Variants in FOXJ3 observed in about 807,000 individuals in gnomAD.
FOXJ3 encodes forkhead box protein J3.
Under a neutral mutation model 76.1 loss-of-function variants are expected in FOXJ3, and 22 were observed. The ratio of observed to expected loss-of-function variants is 0.29; its 90% CI spans 0.21 to 0.41. The LOEUF (loss-of-function observed/expected upper bound fraction) is 0.41, where lower values mean the gene tolerates loss of function less well. FOXJ3 is among the 10% of genes least tolerant of loss of function. The pLI is 1.00. For synonymous variants in FOXJ3, 269 were observed against 261.2 expected (o/e 1.03, Z -0.29); for missense variants, 613 against 762.1 (o/e 0.80, Z 2.30).
At chr1:42,187,197 C>A in intron 11 of FOXJ3, among the ~76,000 whole-genome samples, 1 of 152,220 alleles carries the variant, frequency 6.6e-6, no homozygotes, top group East Asian at 1.9e-4. Context: ...ACTTCTCCTG[C>A]CTACGGCAAC....
At chr1:42,198,710 A>C (rs1646701583) in intron 7 of FOXJ3, among the ~76,000 whole-genome samples, 1 of 152,246 alleles carries the variant, frequency 6.6e-6, no homozygotes, top group South Asian at 2.1e-4. Flanking sequence ...TGGGGTTTAC[A>C]GAATTCCCTT....
At chr1:42,204,432 G>A (rs1265953415) in intron 6 of FOXJ3, among the ~76,000 whole-genome samples, 1 of 151,910 alleles carries the variant, frequency 6.6e-6, no homozygotes, top group Non-Finnish European at 1.5e-5. Flanking sequence ...ACATTATTTG[G>A]TCATAAAGTC....
intron 2 of FOXJ3, among the ~76,000 whole-genome samples, chr1:42,280,049 A>C (rs1004946355): frequency 9.2e-5 from 14 of 152,154 alleles, no homozygotes; most frequent in Non-Finnish European, 1.3e-4. Context: ...AGAACTGTGA[A>C]GATGTTAATT....
chr1:42,311,011 T>C lies in FOXJ3; in HGVS notation c.44+39A>G, dbSNP rs763297795. The C allele has an allele frequency of 3.8e-6, 5 of 1,299,362 alleles. No homozygotes were observed. In the East Asian group the frequency reaches 7.1e-5, roughly 18 times the overall value. 80.5% of individuals were successfully genotyped at this position (1,299,362 alleles called of 1,614,324 possible). On this transcript the variant is annotated intron_variant, in intron 2 of 12. Transcript: ENST00000361346. Reference sequence around the variant, plus strand: ...GGTGACCAGTCTAACTTTTAAAATGTTATATGTTCTAATAAAGAAAAAAAA... The same window carrying C: ...GGTGACCAGTCTAACTTTTAAAATGCTATATGTTCTAATAAAGAAAAAAAA...
chr1:42,295,963 G>A (rs577358048), intron 2 of FOXJ3, among the ~76,000 whole-genome samples: 4 of 152,166 alleles, frequency 2.6e-5, no homozygotes, highest in Non-Finnish European at 4.4e-5. Context: ...GAACATTCCC[G>A]TCAGCAGTGC....
intron 1 of FOXJ3, among the ~76,000 whole-genome samples, chr1:42,333,307 G>A (rs1286733206): frequency 2.6e-5 from 4 of 151,938 alleles, no homozygotes; most frequent in African/African-American, 9.7e-5. Context: ...GAGAATGCAG[G>A]CCACTTTGGA....
intron 2 of FOXJ3, among the ~76,000 whole-genome samples, chr1:42,307,949 C>T (rs1326168498): frequency 1.4e-4 from 22 of 152,222 alleles, no homozygotes; most frequent in Non-Finnish European, 8.8e-5. Flanking sequence ...GAAAACAATA[C>T]TTGTTTACCT....
intron 2 of FOXJ3, among the ~76,000 whole-genome samples, chr1:42,298,791 T>A (rs1463130463): frequency 6.6e-6 from 1 of 152,214 alleles, no homozygotes; most frequent in Admixed American, 6.5e-5. Context: ...GCTATAAACT[T>A]TCCTCTTAGC....
chr1:42,284,423 C>T (rs991800383), intron 2 of FOXJ3, among the ~76,000 whole-genome samples: 2 of 152,028 alleles, frequency 1.3e-5, no homozygotes, highest in South Asian at 4.1e-4. Flanking sequence ...AAAGTGAAGT[C>T]CTAAAAGAGA....
chr1:42,205,742 G>A lies in FOXJ3; in HGVS notation c.630+20C>T. The A allele has an allele frequency of 7.4e-7, 1 of 1,358,998 alleles. No homozygotes were observed. The highest frequency in any genetic ancestry group is 1.1e-6 in the Non-Finnish European group (1 of 948,432). The allele number at this position is 1,358,998 out of a possible 1,614,324, so 84.2% of individuals were successfully genotyped here. A position where few individuals can be genotyped will look rare whatever the true frequency, so the allele number is the denominator to read the frequency against. ...TACTACTCAATGACATTTCAATAAT[G>A]TTTAAAAAAATGAAATTACTTTGTT... On this transcript the variant is annotated intron_variant, in intron 6 of 12. Coordinates refer to ENST00000361346, the MANE Select transcript of FOXJ3 (RefSeq NM_014947.5).
intron 1 of FOXJ3, among the ~76,000 whole-genome samples, chr1:42,334,540 C>A (rs1656352523): frequency 6.6e-6 from 1 of 152,290 alleles, no homozygotes; most frequent in African/African-American, 2.4e-5. Context: ...ACAGGATGGG[C>A]GGGAACGCAA....
intron 3 of FOXJ3, among the ~76,000 whole-genome samples, chr1:42,270,659 T>TC (rs1196520567): frequency 6.6e-6 from 1 of 152,054 alleles, no homozygotes; most frequent in East Asian, 1.9e-4. Flanking sequence ...ACCTAATCAA[T>TC]CAATATGATG....
At chr1:42,308,008 C>T (rs1654570786) in intron 2 of FOXJ3, among the ~76,000 whole-genome samples, 1 of 152,152 alleles carries the variant, frequency 6.6e-6, no homozygotes, top group African/African-American at 2.4e-5. Context: ...AATTCACTTA[C>T]TAACTACCCT....
chr1:42,321,150 T>C (rs1655405888), intron 1 of FOXJ3, among the ~76,000 whole-genome samples: 1 of 152,172 alleles, frequency 6.6e-6, no homozygotes, highest in Non-Finnish European at 1.5e-5. Flanking sequence ...TTATATCCCA[T>C]TCCTGGAAAT....
chr1:42,234,996 C>T (rs1413797798), intron 4 of FOXJ3, among the ~76,000 whole-genome samples: 1 of 152,232 alleles, frequency 6.6e-6, no homozygotes, highest in Non-Finnish European at 1.5e-5. Flanking sequence ...GCCCTGCCCC[C>T]AGAGGTGGAG....
chr1:42,232,679 A>G (rs1345686818), intron 4 of FOXJ3, among the ~76,000 whole-genome samples: 1 of 152,110 alleles, frequency 6.6e-6, no homozygotes, highest in African/African-American at 2.4e-5. Context: ...AGTTCTTTGT[A>G]GATTCTGGAC....
At chr1:42,286,270 T>C (rs1653049488) in intron 2 of FOXJ3, among the ~76,000 whole-genome samples, 1 of 152,216 alleles carries the variant, frequency 6.6e-6, no homozygotes, top group African/African-American at 2.4e-5. Flanking sequence ...ATTAGTTATA[T>C]ACAACCCAAA....
chr1:42,292,193 A>G (rs867403071), intron 2 of FOXJ3, among the ~76,000 whole-genome samples: 4 of 152,242 alleles, frequency 2.6e-5, no homozygotes, highest in Admixed American at 2.6e-4. Context: ...CTACACTGAG[A>G]TATCACTACA....
intron 2 of FOXJ3, among the ~76,000 whole-genome samples, chr1:42,289,102 T>G (rs1653250703): frequency 6.6e-6 from 1 of 152,034 alleles, no homozygotes; most frequent in African/African-American, 2.4e-5. Flanking sequence ...CTTTAAGCAC[T>G]AATTTTTTAA....
Sources: gnomAD v4.1 joint callset for allele counts (sites outside exome capture counted in the v4.1 genomes callset) on GRCh38, gnomAD v4.1.1 for gene constraint, MANE v1.5 for transcripts, NCBI Gene and HGNC (gene_info 2026-07-23, HGNC 2026-07-21) for gene names.